Variants in PITPNB observed in about 807,000 individuals in gnomAD.
PITPNB encodes the protein phosphatidylinositol transfer protein beta.
Under a neutral mutation model 45.9 loss-of-function variants are expected in PITPNB, and 16 were observed. The ratio of observed to expected loss-of-function variants is 0.35; its 90% CI spans 0.24 to 0.53. The LOEUF (loss-of-function observed/expected upper bound fraction) is 0.53. Ranked by LOEUF, PITPNB falls within the 20% of genes least tolerant of loss-of-function variation. The pLI is 0.93. For missense variants in PITPNB, 188 were observed against 330.5 expected, an observed-to-expected ratio of 0.57 and a Z score of 3.34; for synonymous variants, 112 against 108.9, an observed-to-expected ratio of 1.03 and a Z score of -0.18.
intron 11 of PITPNB, among the ~76,000 whole-genome samples, chr22:27,854,629 A>G (rs923402856): frequency 1.3e-5 from 2 of 152,266 alleles, no homozygotes; most frequent in Non-Finnish European, 2.9e-5. Flanking sequence ...GTTCTAACCC[A>G]TAACACTAAA....
intron 7 of PITPNB, among the ~76,000 whole-genome samples, chr22:27,889,653 A>C (rs1375171241): frequency 6.6e-6 from 1 of 152,132 alleles, no homozygotes; most frequent in Non-Finnish European, 1.5e-5. Flanking sequence ...CCACGCTGTA[A>C]GCCTCTGCCA....
chr22:27,883,207 T>C lies in PITPNB; in HGVS notation c.457-9392A>G, dbSNP rs568573063. On this transcript the variant is annotated intron_variant, in intron 7 of 11. Transcript: ENST00000335272. ...AAATTAAGAATGCTCTTAATCAACA[T>C]ATTGCAAAGGAAGAAACATCATACA... Among the ~76,000 whole-genome samples the C allele has an allele frequency of 4.8e-4, 73 of 152,314 alleles. No individual in the cohort carries two copies. In the South Asian group the frequency reaches 7.5e-3, roughly 16 times the overall value.
chr22:27,893,731 C>T (rs547546627), intron 7 of PITPNB, among the ~76,000 whole-genome samples: 168 of 151,950 alleles, frequency 1.1e-3, no homozygotes, highest in African/African-American at 3.8e-3. Context: ...GCTGGAATTA[C>T]AGGCACATGC....
At chr22:27,883,229 T>C (rs1257074784) in intron 7 of PITPNB, among the ~76,000 whole-genome samples, 1 of 152,234 alleles carries the variant, frequency 6.6e-6, no homozygotes, top group Non-Finnish European at 1.5e-5. Context: ...AGAAACATCA[T>C]ACAGCAAAAA....
At chr22:27,866,479 A>C (rs1934488987) in intron 8 of PITPNB, among the ~76,000 whole-genome samples, 1 of 152,228 alleles carries the variant, frequency 6.6e-6, no homozygotes, top group South Asian at 2.1e-4. Flanking sequence ...AGTACATGTT[A>C]TCCACAAGAA....
At chr22:27,869,873 T>G (rs1006931010) in intron 8 of PITPNB, among the ~76,000 whole-genome samples, 5 of 152,190 alleles carry the variant, frequency 3.3e-5, no homozygotes, top group Non-Finnish European at 7.3e-5. Flanking sequence ...AGTTATAACT[T>G]GTGTAGATTC....
chr22:27,916,142 A>G (rs1042825437), intron 1 of PITPNB, among the ~76,000 whole-genome samples: 2 of 152,256 alleles, frequency 1.3e-5, no homozygotes, highest in Non-Finnish European at 2.9e-5. Context: ...ACACTCACTA[A>G]CAGGAAGATC....
intron 3 of PITPNB, among the ~76,000 whole-genome samples, chr22:27,899,019 T>G (rs1466406193): frequency 6.6e-6 from 1 of 152,226 alleles, no homozygotes; most frequent in East Asian, 1.9e-4. Context: ...CAGATCGAAT[T>G]CAAATCCCAA....
rs571786057 is a variant in PITPNB at position 27,867,896 on chromosome 22, CT to C, written c.534+5841del. On this transcript the variant is annotated intron_variant, in intron 8 of 11. Coordinates refer to ENST00000335272, the MANE Select transcript of PITPNB (RefSeq NM_012399.5). ...TTAGCTTCTTAAAGACATGGAACAG[CT>C]TTTTTTTGGTATCTTCTGTAGGAGT... 2.2e-3 allele frequency among the ~76,000 whole-genome samples: 337 copies of C among 151,882 alleles called. 3 individuals carry two copies. The highest frequency in any genetic ancestry group is 7.9e-3 in the African/African-American group (328 of 41,442).
intron 2 of PITPNB, among the ~76,000 whole-genome samples, chr22:27,914,074 A>T (rs1172806395): frequency 6.6e-6 from 1 of 152,238 alleles, no homozygotes; most frequent in African/African-American, 2.4e-5. Context: ...GAATTCCTGC[A>T]CTAGACAGGA....
chr22:27,880,842 G>A (rs1476623121), intron 7 of PITPNB, among the ~76,000 whole-genome samples: 1 of 152,128 alleles, frequency 6.6e-6, no homozygotes, highest in African/African-American at 2.4e-5. Flanking sequence ...GGCTGGTCTC[G>A]AACTCCCAAC....
At chr22:27,907,121 G>A (rs1935786322) in intron 3 of PITPNB, among the ~76,000 whole-genome samples, 1 of 152,178 alleles carries the variant, frequency 6.6e-6, no homozygotes, top group Admixed American at 6.5e-5. Flanking sequence ...ATAATTTATG[G>A]AGTAAATGTT....
intron 1 of PITPNB, among the ~76,000 whole-genome samples, chr22:27,918,315 A>G (rs1186456016): frequency 3.9e-5 from 6 of 152,206 alleles, no homozygotes; most frequent in African/African-American, 1.4e-4. Flanking sequence ...GAATTTGAAA[A>G]CCAACGAATG....
At chr22:27,884,087 G>A (rs1935047723) in intron 7 of PITPNB, among the ~76,000 whole-genome samples, 1 of 152,174 alleles carries the variant, frequency 6.6e-6, no homozygotes, top group Non-Finnish European at 1.5e-5. Context: ...AAGAGATGTT[G>A]CAGACTGGTC....
At chr22:27,904,168 C>A (rs997049581) in intron 3 of PITPNB, among the ~76,000 whole-genome samples, 19 of 152,112 alleles carry the variant, frequency 1.2e-4, no homozygotes, top group Non-Finnish European at 2.4e-4. Context: ...CACACACACA[C>A]AAAAAAGTAT....
chr22:27,909,474 G>A (rs563457945), intron 3 of PITPNB, among the ~76,000 whole-genome samples: 1 of 152,002 alleles, frequency 6.6e-6, no homozygotes, highest in African/African-American at 2.4e-5. Flanking sequence ...AAACAATGAA[G>A]AAAGCATATG....
At chr22:27,893,792 T>A (rs904424904) in intron 7 of PITPNB, among the ~76,000 whole-genome samples, 1 of 152,068 alleles carries the variant, frequency 6.6e-6, no homozygotes, top group African/African-American at 2.4e-5. Context: ...GATCTCACTA[T>A]GTTGTCCAGG....
intron 7 of PITPNB, among the ~76,000 whole-genome samples, chr22:27,889,478 G>C (rs569394532): frequency 3.9e-5 from 6 of 152,218 alleles, no homozygotes; most frequent in African/African-American, 1.4e-4. Context: ...AGAAATAAAC[G>C]TATAATGTGT....
intron 7 of PITPNB, among the ~76,000 whole-genome samples, chr22:27,884,253 G>GA (rs1935054181): frequency 6.6e-6 from 1 of 152,116 alleles, no homozygotes; most frequent in African/African-American, 2.4e-5. Context: ...AAAGGTACCA[G>GA]AAAAAAGGAT....
Sources: allele counts gnomAD v4.1 joint callset (sites outside exome capture counted in the v4.1 genomes callset), GRCh38; gene constraint gnomAD v4.1.1; transcripts MANE v1.5; gene names NCBI Gene and HGNC (gene_info 2026-07-23, HGNC 2026-07-21).